ARHGEF28: variants seen among roughly 807,000 people sequenced by gnomAD.
The protein encoded by ARHGEF28 is 190 kDa guanine nucleotide exchange factor.
ARHGEF28 carries 152 observed loss-of-function variants against 206.6 expected under a neutral mutation model. That is an observed-to-expected ratio of 0.74 (90% CI 0.64 to 0.84). The LOEUF (loss-of-function observed/expected upper bound fraction) is 0.84. Among genes scored for constraint, ARHGEF28 ranks in the 40% least tolerant of loss-of-function variants. The pLI is 0.00. For synonymous variants in ARHGEF28, 763 were observed against 776.4 expected (o/e 0.98, Z 0.29); for missense variants, 2,028 against 2,073.2 (o/e 0.98, Z 0.42).
intron 1 of ARHGEF28, among the ~76,000 whole-genome samples, chr5:73,654,011 A>G (rs1033254473): frequency 6.6e-6 from 1 of 152,220 alleles, no homozygotes; most frequent in African/African-American, 2.4e-5. Flanking sequence ...CAAACAACAT[A>G]AATAGACTTT....
intron 1 of ARHGEF28, among the ~76,000 whole-genome samples, chr5:73,631,314 G>A (rs550706536): frequency 6.6e-6 from 1 of 152,298 alleles, no homozygotes; most frequent in South Asian, 2.1e-4. Context: ...TTTACTGTCT[G>A]TACATTGTCA....
intron 35 of ARHGEF28, among the ~76,000 whole-genome samples, chr5:73,939,138 GAGCGT>G (rs1742411003): frequency 6.6e-6 from 1 of 152,132 alleles, no homozygotes; most frequent in Non-Finnish European, 1.5e-5. Flanking sequence ...GCCATCCTCT[GAGCGT>G]AGATCCAGAT....
chr5:73,876,061 G>T (rs1242718254), intron 22 of ARHGEF28, among the ~76,000 whole-genome samples: 3 of 148,224 alleles, frequency 2.0e-5, no homozygotes, highest in Non-Finnish European at 4.5e-5. Context: ...AGCATAGAAT[G>T]TTCTTCCATT....
intron 2 of ARHGEF28, among the ~76,000 whole-genome samples, chr5:73,701,027 A>T (rs944334551): frequency 6.6e-6 from 1 of 152,186 alleles, no homozygotes; most frequent in African/African-American, 2.4e-5. Flanking sequence ...ATTGTTCTTT[A>T]CATCTTTACT....
chr5:73,678,598 T>C (rs1233275251), intron 1 of ARHGEF28, among the ~76,000 whole-genome samples: 1 of 152,212 alleles, frequency 6.6e-6, no homozygotes, highest in African/African-American at 2.4e-5. Context: ...GACTTTGGAC[T>C]GTAGTCCACT....
intron 2 of ARHGEF28, among the ~76,000 whole-genome samples, chr5:73,696,681 T>C (rs1022533477): frequency 2.0e-4 from 30 of 152,248 alleles, no homozygotes; most frequent in Non-Finnish European, 3.5e-4. Context: ...AGGAAATCCT[T>C]CCAATGGCAT....
At chr5:73,741,870 T>C (rs546870774) in intron 2 of ARHGEF28, among the ~76,000 whole-genome samples, 21 of 152,342 alleles carry the variant, frequency 1.4e-4, no homozygotes, top group Admixed American at 3.9e-4. Flanking sequence ...GATATCCTTG[T>C]CAATTTTTTG....
At chr5:73,695,560 T>G (rs1748155569) in intron 2 of ARHGEF28, among the ~76,000 whole-genome samples, 1 of 152,174 alleles carries the variant, frequency 6.6e-6, no homozygotes, top group Admixed American at 6.6e-5. Flanking sequence ...TTTTCCAAGT[T>G]TTCCTCTAAG....
chr5:73,874,552 C>A (rs1259818405), intron 22 of ARHGEF28, among the ~76,000 whole-genome samples: 3 of 31,032 alleles, frequency 9.7e-5, no homozygotes, highest in Non-Finnish European at 1.8e-4. Context: ...CTAATGCTAT[C>A]CCTCCCCCCT....
intron 2 of ARHGEF28, among the ~76,000 whole-genome samples, chr5:73,723,334 C>T (rs1301964001): frequency 1.3e-5 from 2 of 152,132 alleles, no homozygotes; most frequent in Non-Finnish European, 1.5e-5. Flanking sequence ...ACTACAGCTG[C>T]GTGCCACCAC....
intron 9 of ARHGEF28, among the ~76,000 whole-genome samples, chr5:73,795,712 A>T (rs914361469): frequency 5.3e-5 from 8 of 152,210 alleles, no homozygotes; most frequent in Non-Finnish European, 1.0e-4. Context: ...TCTCAGGTTC[A>T]GGTGAAGCAG....
At chr5:73,853,890 A>G (rs1758855534) in intron 14 of ARHGEF28, among the ~76,000 whole-genome samples, 2 of 152,200 alleles carry the variant, frequency 1.3e-5, no homozygotes. Flanking sequence ...AAAAATATTC[A>G]TTTGTCATTA....
chr5:73,729,949 T>G (rs1167409828), intron 2 of ARHGEF28, among the ~76,000 whole-genome samples: 1 of 152,220 alleles, frequency 6.6e-6, no homozygotes, highest in Non-Finnish European at 1.5e-5. Context: ...ACTATCTCAC[T>G]TTCCCATTTA....
At chr5:73,669,817 G>A (rs1746195751) in intron 1 of ARHGEF28, among the ~76,000 whole-genome samples, 1 of 152,140 alleles carries the variant, frequency 6.6e-6, no homozygotes, top group South Asian at 2.1e-4. Flanking sequence ...CTCCCGAGTA[G>A]CTGGGATTAC....
At chr5:73,698,610 G>C (rs1209955530) in intron 2 of ARHGEF28, among the ~76,000 whole-genome samples, 1 of 151,998 alleles carries the variant, frequency 6.6e-6, no homozygotes, top group African/African-American at 2.4e-5. Flanking sequence ...TTTTTTCAAA[G>C]ATGGAGGAAA....
At chr5:73,680,867 T>C (rs932417626) in intron 1 of ARHGEF28, among the ~76,000 whole-genome samples, 2 of 151,978 alleles carry the variant, frequency 1.3e-5, no homozygotes, top group African/African-American at 2.4e-5. Context: ...AGAAATTCCT[T>C]TTATCTTTTT....
chr5:73,835,334 G>A (rs1239577024), intron 10 of ARHGEF28: 2 of 152,118 alleles, frequency 1.3e-5, no homozygotes, highest in Non-Finnish European at 2.9e-5. Context: ...GCAGGGCGTG[G>A]TGGCGGGTGC....
At chr5:73,753,688 G>T (rs1752150426) in intron 4 of ARHGEF28, among the ~76,000 whole-genome samples, 1 of 152,162 alleles carries the variant, frequency 6.6e-6, no homozygotes, top group Non-Finnish European at 1.5e-5. Context: ...TGTTACATTT[G>T]TACTAGTTTT....
At chr5:73,778,970 G>A (rs1039065492) in intron 6 of ARHGEF28, among the ~76,000 whole-genome samples, 2 of 152,164 alleles carry the variant, frequency 1.3e-5, no homozygotes, top group Non-Finnish European at 2.9e-5. Flanking sequence ...TCTCCAAGGG[G>A]ACATGTTTAG....
Sources: allele counts gnomAD v4.1 joint callset (sites outside exome capture counted in the v4.1 genomes callset), GRCh38; gene constraint gnomAD v4.1.1; transcripts MANE v1.5; gene names NCBI Gene and HGNC (gene_info 2026-07-23, HGNC 2026-07-21).